Variants in RAB43 observed in about 807,000 individuals in gnomAD.
The protein encoded by RAB43 is ras-related protein Rab-43.
Under a neutral mutation model 18.8 loss-of-function variants are expected in RAB43, and 6 were observed. The observed-to-expected ratio is 0.32, with a 90% CI of 0.17 to 0.63. RAB43 has a LOEUF of 0.63. RAB43 is among the 30% of genes least tolerant of loss of function. The pLI is 0.79. For missense variants in RAB43, 195 were observed against 289.1 expected (o/e 0.67, Z 2.36); for synonymous variants, 103 against 124.1 (o/e 0.83, Z 1.13).
At chr3:129,100,812 T>G (rs543517849) in intron 1 of RAB43, among the ~76,000 whole-genome samples, 1 of 152,248 alleles carries the variant, frequency 6.6e-6, no homozygotes, top group Non-Finnish European at 1.5e-5. Flanking sequence ...TTCATTCTGT[T>G]TTTCTTTTTT....
intron 1 of RAB43, among the ~76,000 whole-genome samples, chr3:129,101,436 A>G (rs1301496630): frequency 6.6e-6 from 1 of 152,184 alleles, no homozygotes; most frequent in East Asian, 1.9e-4. Flanking sequence ...GCTCCATCCT[A>G]GTAAGAGGAG....
At chr3:129,092,140 T>G (rs1026614176) in intron 2 of RAB43, among the ~76,000 whole-genome samples, 1 of 151,560 alleles carries the variant, frequency 6.6e-6, no homozygotes, top group Non-Finnish European at 1.5e-5. Context: ...AGTTTCAAAG[T>G]GTGAAACTTA....
At chr3:129,103,068 CATT>C (rs1934531461) in intron 1 of RAB43, among the ~76,000 whole-genome samples, 2 of 152,164 alleles carry the variant, frequency 1.3e-5, no homozygotes, top group Non-Finnish European at 2.9e-5. Flanking sequence ...CAGGAGCCGA[CATT>C]ATAGAGAAAA....
Position 129,095,258 on chromosome 3 carries a change from T to G in RAB43, c.205-89A>C, listed in dbSNP as rs1326490524. 2 of 1,501,588 alleles carry G rather than the reference T, an allele frequency of 1.3e-6. No homozygotes were observed. Among genetic ancestry groups the G allele is most frequent in the Non-Finnish European group, 1.8e-6 (2 of 1,121,616 alleles). 93.0% of individuals were successfully genotyped at this position (1,501,588 alleles called of 1,614,324 possible). A position where few individuals can be genotyped will look rare whatever the true frequency, so the allele number is the denominator to read the frequency against. Reference sequence around the variant, plus strand: ...GACCCCACAGACCCACACCCAGAGCTGTGGTTCCACTGGGCTAGGAGGCCT... The same window carrying G: ...GACCCCACAGACCCACACCCAGAGCGGTGGTTCCACTGGGCTAGGAGGCCT... On this transcript the variant is annotated intron_variant, in intron 1 of 2. Coordinates refer to ENST00000315150, the MANE Select transcript of RAB43 (RefSeq NM_198490.3). This position sits in a 1 kb window ranked among gnomAD's most constrained non-coding sequence, Gnocchi z 4.2.
At chr3:129,102,385 C>T (rs1475089553) in intron 1 of RAB43, among the ~76,000 whole-genome samples, 2 of 152,170 alleles carry the variant, frequency 1.3e-5, no homozygotes, top group Admixed American at 6.5e-5. Context: ...AATCCCAGCA[C>T]TTTGGAAGGC....
At chr3:129,118,433 T>G (rs985233222) in intron 1 of RAB43, among the ~76,000 whole-genome samples, 1 of 152,128 alleles carries the variant, frequency 6.6e-6, no homozygotes, top group South Asian at 2.1e-4. Flanking sequence ...TAGATAAAGG[T>G]ATTGCTCTGA....
intron 2 of RAB43, among the ~76,000 whole-genome samples, chr3:129,094,505 CTTTTT>C (rs200896936): frequency 1.4e-4 from 10 of 69,096 alleles, no homozygotes; most frequent in Non-Finnish European, 2.3e-4. Context: ...ATATAACTTT[CTTTTT>C]TTTTTTTTTT....
intron 1 of RAB43, among the ~76,000 whole-genome samples, chr3:129,098,814 C>T (rs1934227909): frequency 6.6e-6 from 1 of 151,986 alleles, no homozygotes; most frequent in African/African-American, 2.4e-5. Flanking sequence ...GTTTCATGCC[C>T]ATAATCCCAG....
At chr3:129,099,383 G>A (rs542510972) in intron 1 of RAB43, among the ~76,000 whole-genome samples, 5 of 148,324 alleles carry the variant, frequency 3.4e-5, no homozygotes, top group Non-Finnish European at 4.4e-5. Context: ...GAGCCACCGC[G>A]CCTGGCCTTA....
chr3:129,094,255 C>G (rs1159782355), intron 2 of RAB43, among the ~76,000 whole-genome samples: 2 of 152,148 alleles, frequency 1.3e-5, no homozygotes, highest in Non-Finnish European at 2.9e-5. Context: ...TGTCCCTGCT[C>G]TGTGTGCGGC....
intron 1 of RAB43, among the ~76,000 whole-genome samples, chr3:129,119,367 G>A (rs1019315125): frequency 2.0e-5 from 3 of 152,176 alleles, no homozygotes; most frequent in African/African-American, 7.2e-5. Context: ...ATTGCCAGAG[G>A]CTTCCCCACC....
At chr3:129,100,648 AAGT>A (rs1464721324) in intron 1 of RAB43, among the ~76,000 whole-genome samples, 3 of 152,194 alleles carry the variant, frequency 2.0e-5, no homozygotes, top group African/African-American at 7.2e-5. Context: ...TATTTTGGGA[AAGT>A]AGACCCTTCC....
chr3:129,091,600 AAC>A (rs1160832808), intron 2 of RAB43, among the ~76,000 whole-genome samples: 1 of 152,276 alleles, frequency 6.6e-6, no homozygotes, highest in Non-Finnish European at 1.5e-5. Flanking sequence ...CAGCCTGGGC[AAC>A]ACAGTGAGAC....
At chr3:129,102,650 A>G (rs562874103) in intron 1 of RAB43, among the ~76,000 whole-genome samples, 55 of 151,576 alleles carry the variant, frequency 3.6e-4, no homozygotes, top group African/African-American at 1.3e-3. Flanking sequence ...AAAATCACTC[A>G]GGTCACTGGG....
Position 129,090,757 on chromosome 3 carries a change from C to T in RAB43, c.*339G>A. 4.1e-6 allele frequency: 1 copy of T among 246,096 alleles called. No homozygotes were observed. Among genetic ancestry groups the T allele is most frequent in the Non-Finnish European group, 7.9e-6 (1 of 126,726 alleles). 15.2% of individuals were successfully genotyped at this position (246,096 alleles called of 1,614,324 possible). ...ACCTGCTGCCACAGGTAAAGCAAAC[C>T]CATGAGAGGAAACGGTCAGAGCCAG... On this transcript the variant is annotated 3_prime_UTR_variant, in exon 3 of 3. Coordinates refer to ENST00000315150, the MANE Select transcript of RAB43 (RefSeq NM_198490.3).
At position 129,113,496 on chromosome 3, in the gene RAB43, C is replaced by T. The variant is rs537761285; in HGVS notation, c.204+7790G>A. Among the ~76,000 whole-genome samples the T allele has an allele frequency of 7.0e-4, 106 of 152,202 alleles. 2 individuals carry two copies. The highest frequency in any genetic ancestry group is 5.6e-3 in the South Asian group (27 of 4,826). ...ATTTTTGAACACCAGTCACATTACT[C>T]TCTAGCCACACTCTGTTTTTGGGAT... On this transcript the variant is annotated intron_variant, in intron 1 of 2. Transcript: ENST00000315150.
In RAB43 at chr3:129,103,089, G is replaced by T. The variant is rs556634754; in HGVS notation, c.205-7920C>A. Among the ~76,000 whole-genome samples, 9 of 152,308 alleles carry T rather than the reference G, an allele frequency of 5.9e-5. No homozygotes were observed. In the South Asian group the frequency reaches 1.9e-3, roughly 32 times the overall value. On this transcript the variant is annotated intron_variant, in intron 1 of 2. Transcript: ENST00000315150. ...CCGACATTATAGAGAAAAGAGGGAG[G>T]CTCTGAGGGGCGCTGGGACTCGGCC...
intron 1 of RAB43, among the ~76,000 whole-genome samples, chr3:129,102,989 A>G (rs1934523484): frequency 1.3e-5 from 2 of 152,144 alleles, no homozygotes; most frequent in African/African-American, 4.8e-5. Context: ...AGGCAAGTAG[A>G]CCCACCCTGT....
Position 129,095,333 on chromosome 3 carries a change from G to A in RAB43, c.205-164C>T, listed in dbSNP as rs181915326. On this transcript the variant is annotated intron_variant, in intron 1 of 2. Coordinates refer to ENST00000315150, the MANE Select transcript of RAB43 (RefSeq NM_198490.3). This position sits in a 1 kb window ranked among gnomAD's most constrained non-coding sequence, Gnocchi z 4.2. ...ATGGCTCAACCTTGTTGGAAAAATG[G>A]GGAAGCAAAGGGAAGGTGAGCAGCC... 1.3e-5 allele frequency among the ~76,000 whole-genome samples: 2 copies of A among 152,258 alleles called. No homozygotes were observed. The highest frequency in any genetic ancestry group is 1.3e-4 in the Admixed American group (2 of 15,292).
Sources: allele counts gnomAD v4.1 joint callset (sites outside exome capture counted in the v4.1 genomes callset), GRCh38; gene constraint gnomAD v4.1.1; non-coding constraint Gnocchi (gnomAD v3.1); transcripts MANE v1.5; gene names NCBI Gene and HGNC (gene_info 2026-07-23, HGNC 2026-07-21).